The following TAFA5 variants were observed in gnomAD, a reference collection of about 807,000 sequenced individuals.
TAFA5 encodes TAFA chemokine like family member 5.
TAFA5 carries 6 observed loss-of-function variants against 15.3 expected under a neutral mutation model. The ratio of observed to expected loss-of-function variants is 0.39; its 90% CI spans 0.21 to 0.77. The LOEUF is 0.77. Ranked by LOEUF, TAFA5 falls within the 30% of genes least tolerant of loss-of-function variation. The pLI is 0.41. For synonymous variants in TAFA5, 103 were observed against 80.7 expected, an observed-to-expected ratio of 1.28 and a Z score of -1.48; for missense variants, 161 against 193.1, an observed-to-expected ratio of 0.83 and a Z score of 0.98.
Position 48,729,324 on chromosome 22 carries a change from T to A in TAFA5, c.391-20515T>A, listed in dbSNP as rs1304604863. Among the ~76,000 whole-genome samples the A allele has an allele frequency of 2.6e-5, 3 of 114,530 alleles. No individual in the cohort carries two copies. The Admixed American group carries it at 3.1e-4, about 12-fold the overall frequency. The allele number at this position is 114,530 out of a possible 152,430, so 75.1% of individuals were successfully genotyped here. A position where few individuals can be genotyped will look rare whatever the true frequency, so the allele number is the denominator to read the frequency against. ...TTTATTTATAAATATATAATATTTT[T>A]ATATTTATTTGTAAATATATATTTT... On this transcript the variant is annotated intron_variant, in intron 3 of 3. Transcript: ENST00000402357.
intron 1 of TAFA5, among the ~76,000 whole-genome samples, chr22:48,583,943 A>G (rs1555889812): frequency 6.7e-6 from 1 of 148,998 alleles, no homozygotes; most frequent in African/African-American, 2.5e-5. Context: ...CACACCACAC[A>G]CCATACACAC....
At chr22:48,513,590 C>G (rs553815624) in intron 1 of TAFA5, among the ~76,000 whole-genome samples, 5 of 152,354 alleles carry the variant, frequency 3.3e-5, no homozygotes, top group African/African-American at 1.2e-4. Flanking sequence ...CAGCCCAGTG[C>G]TCTGAGCGAG....
intron 1 of TAFA5, among the ~76,000 whole-genome samples, chr22:48,507,738 G>A (rs958317115): frequency 2.6e-5 from 4 of 152,164 alleles, no homozygotes; most frequent in Non-Finnish European, 5.9e-5. Context: ...GTGGTCGACC[G>A]GGACTGCCCC....
chr22:48,651,982 C>T (rs1355453618), intron 2 of TAFA5, among the ~76,000 whole-genome samples: 6 of 152,204 alleles, frequency 3.9e-5, no homozygotes, highest in African/African-American at 4.8e-5. Context: ...GTCACTTCTT[C>T]TCTTGCCTTT....
intron 2 of TAFA5, among the ~76,000 whole-genome samples, chr22:48,660,227 G>A (rs528517555): frequency 1.1e-4 from 16 of 152,294 alleles, no homozygotes; most frequent in East Asian, 1.9e-4. Flanking sequence ...CCCAGTGCCT[G>A]GCAAGGAAGT....
intron 1 of TAFA5, among the ~76,000 whole-genome samples, chr22:48,499,798 C>T (rs936584228): frequency 3.9e-5 from 6 of 152,186 alleles, no homozygotes; most frequent in Non-Finnish European, 7.3e-5. Context: ...TAGGGCAAGG[C>T]GGACCTTCCC....
chr22:48,615,276 A>G (rs1196248966), intron 1 of TAFA5, among the ~76,000 whole-genome samples: 1 of 152,176 alleles, frequency 6.6e-6, no homozygotes. Context: ...AGCAGAACTG[A>G]TGAAAAGCAC....
chr22:48,500,720 A>G (rs1920947189), intron 1 of TAFA5, among the ~76,000 whole-genome samples: 1 of 152,350 alleles, frequency 6.6e-6, no homozygotes, highest in Non-Finnish European at 1.5e-5. Flanking sequence ...TCGTAGTAGC[A>G]CTGGGGGACT....
intron 2 of TAFA5, among the ~76,000 whole-genome samples, chr22:48,674,000 C>A (rs1927885732): frequency 6.6e-6 from 1 of 151,414 alleles, no homozygotes; most frequent in Admixed American, 6.6e-5. Flanking sequence ...CACATCTGGA[C>A]TTTTTGCCCG....
At chr22:48,638,336 GCCACACACAGGCAA>G (rs1926529093) in intron 1 of TAFA5, among the ~76,000 whole-genome samples, 1 of 70,072 alleles carries the variant, frequency 1.4e-5, no homozygotes, top group African/African-American at 6.6e-5. Context: ...TAAGCCCTGG[GCCACACACAGGCAA>G]TACCACCCCC....
At chr22:48,577,123 G>T (rs9615926) in intron 1 of TAFA5, among the ~76,000 whole-genome samples, 1 of 152,210 alleles carries the variant, frequency 6.6e-6, no homozygotes, top group Non-Finnish European at 1.5e-5. Flanking sequence ...ACCGGGGTGC[G>T]CAGGTCCCCG....
At chr22:48,569,105 C>T (rs1048043435) in intron 1 of TAFA5, among the ~76,000 whole-genome samples, 22 of 152,184 alleles carry the variant, frequency 1.4e-4, no homozygotes, top group Non-Finnish European at 8.8e-5. Flanking sequence ...CCTACACAGC[C>T]GCCTCCCCTC....
chr22:48,555,750 G>A (rs1923014120), intron 1 of TAFA5, among the ~76,000 whole-genome samples: 1 of 152,208 alleles, frequency 6.6e-6, no homozygotes, highest in Non-Finnish European at 1.5e-5. Context: ...AGCCCAGGAA[G>A]CTGGTCCAGG....
intron 1 of TAFA5, among the ~76,000 whole-genome samples, chr22:48,532,548 G>C (rs935901047): frequency 6.6e-6 from 1 of 152,212 alleles, no homozygotes; most frequent in Non-Finnish European, 1.5e-5. Flanking sequence ...TGTCGCTGGT[G>C]GGGTTAGTGA....
intron 1 of TAFA5, among the ~76,000 whole-genome samples, chr22:48,506,581 C>T (rs1168390803): frequency 2.6e-5 from 4 of 152,178 alleles, no homozygotes; most frequent in Admixed American, 6.5e-5. Flanking sequence ...GCCACCGTTC[C>T]GTAGCTATGG....
chr22:48,681,220 A>G (rs964293474), intron 2 of TAFA5, among the ~76,000 whole-genome samples: 13 of 152,200 alleles, frequency 8.5e-5, no homozygotes, highest in African/African-American at 2.4e-4. Flanking sequence ...AACCAAGGAA[A>G]GCACATCCAA....
Position 48,723,147 on chromosome 22 carries a change from G to A in TAFA5, c.390+15303G>A, listed in dbSNP as rs1929619777. 2.6e-5 allele frequency among the ~76,000 whole-genome samples: 4 copies of A among 152,132 alleles called. No homozygotes were observed. The South Asian group carries it at 8.3e-4, about 32-fold the overall frequency. On this transcript the variant is annotated intron_variant, in intron 3 of 3. Coordinates refer to ENST00000402357, the MANE Select transcript of TAFA5 (RefSeq NM_001082967.3). ...CTTCTTGGCTGGTGTGTCCAGATGT[G>A]CCTCATTCTCAGCCCAGCTCTTCAG...
intron 2 of TAFA5, among the ~76,000 whole-genome samples, chr22:48,660,012 G>A (rs5771691): frequency 0.46 from 69,680 of 152,050 alleles, 16,326 homozygotes; most frequent in South Asian, 0.61. Context: ...CCCCTGCTCC[G>A]GGTGTGGGGC....
At chr22:48,718,247 A>C (rs1929462361) in intron 3 of TAFA5, among the ~76,000 whole-genome samples, 1 of 152,132 alleles carries the variant, frequency 6.6e-6, no homozygotes, top group South Asian at 2.1e-4. Flanking sequence ...GGCCCCCTGC[A>C]CAGCAGACAC....
Sources: allele counts gnomAD v4.1 joint callset (sites outside exome capture counted in the v4.1 genomes callset), GRCh38; gene constraint gnomAD v4.1.1; transcripts MANE v1.5; gene names NCBI Gene and HGNC (gene_info 2026-07-23, HGNC 2026-07-21).